SOX6: variants seen among roughly 807,000 people sequenced by gnomAD.
SOX6 encodes SRY-box transcription factor 6.
SOX6 carries 11 observed loss-of-function variants against 97.8 expected under a neutral mutation model. The ratio of observed to expected loss-of-function variants is 0.11; its 90% CI spans 0.07 to 0.19. The LOEUF is 0.19. Among genes scored for constraint, SOX6 ranks in the 10% least tolerant of loss-of-function variants. SOX6 has a pLI of 1.00. For missense variants in SOX6, 810 were observed against 1,039.5 expected (o/e 0.78, Z 3.04); for synonymous variants, 360 against 371.4 (o/e 0.97, Z 0.35).
At position 16,113,498 on chromosome 11, in the gene SOX6, G is replaced by A. The variant is rs183637482; in HGVS notation, c.778-1575C>T. Among the ~76,000 whole-genome samples the A allele has an allele frequency of 3.9e-5, 6 of 152,274 alleles. No homozygotes were observed. In the East Asian group the frequency reaches 5.8e-4, roughly 15 times the overall value. ...GCCTTTAACCCTGAAGAAAAGCACC[G>A]GGTTTGCTGTTGAACTCTAGCTTGT... On this transcript the variant is annotated intron_variant, in intron 6 of 15. Transcript: ENST00000683767.
chr11:16,187,557 G>C (rs1396899431), intron 4 of SOX6, among the ~76,000 whole-genome samples: 1 of 151,346 alleles, frequency 6.6e-6, no homozygotes, highest in Non-Finnish European at 1.5e-5. Flanking sequence ...TTTTTTTCCT[G>C]AGAAAGGATC....
chr11:16,222,717 A>G (rs1269283543), intron 4 of SOX6, among the ~76,000 whole-genome samples: 1 of 152,078 alleles, frequency 6.6e-6, no homozygotes, highest in Non-Finnish European at 1.5e-5. Flanking sequence ...TTTCAGTTGC[A>G]AGTACTAAAA....
chr11:16,449,238 T>G (rs1025618600), intron 1 of SOX6, among the ~76,000 whole-genome samples: 1 of 148,344 alleles, frequency 6.7e-6, no homozygotes, highest in Non-Finnish European at 1.5e-5. Context: ...GGTTTCTCCA[T>G]CCTTTGGCTA....
At chr11:16,653,416 A>T (rs1847681493) in intron 3 of SOX6, among the ~76,000 whole-genome samples, 2 of 152,230 alleles carry the variant, frequency 1.3e-5, no homozygotes, top group African/African-American at 2.4e-5. Flanking sequence ...TGTGGTAAAT[A>T]TACACCATGG....
At chr11:16,039,155 A>G (rs1696556680) in intron 12 of SOX6, among the ~76,000 whole-genome samples, 1 of 152,030 alleles carries the variant, frequency 6.6e-6, no homozygotes, top group East Asian at 1.9e-4. Context: ...TTATTTTCCT[A>G]TCCTTAATTT....
intron 2 of SOX6, among the ~76,000 whole-genome samples, chr11:16,732,814 G>T (rs986162691): frequency 6.6e-6 from 1 of 152,130 alleles, no homozygotes; most frequent in Non-Finnish European, 1.5e-5. Context: ...TACAGAATGG[G>T]AGAAAAATTT....
intron 1 of SOX6, among the ~76,000 whole-genome samples, chr11:16,371,241 C>T (rs1247082234): frequency 6.6e-6 from 1 of 151,946 alleles, no homozygotes; most frequent in African/African-American, 2.4e-5. Flanking sequence ...CTGCACTGGT[C>T]CCTCCCTCTG....
chr11:15,986,092 T>C, intron 15 of SOX6, 112 bp downstream of exon 15: 1 of 1,006,052 alleles, frequency 9.9e-7, no homozygotes, highest in Non-Finnish European at 1.6e-6. Context: ...CCCTTCAGTA[T>C]GCCACAACCT....
chr11:16,368,838 G>A (rs979732800), intron 1 of SOX6, among the ~76,000 whole-genome samples: 2 of 152,110 alleles, frequency 1.3e-5, no homozygotes, highest in South Asian at 2.1e-4. Flanking sequence ...ATCTAATAAC[G>A]GGTGAGTATG....
At chr11:16,574,014 G>A (rs370395594) in intron 4 of SOX6, among the ~76,000 whole-genome samples, 1 of 152,090 alleles carries the variant, frequency 6.6e-6, no homozygotes, top group South Asian at 2.1e-4. Context: ...GAGAAAATAT[G>A]TTAATATATT....
chr11:16,042,212 T>C (rs1377814171), intron 12 of SOX6, among the ~76,000 whole-genome samples: 2 of 152,158 alleles, frequency 1.3e-5, no homozygotes, highest in Non-Finnish European at 2.9e-5. Flanking sequence ...AACTCTAAAA[T>C]CCATGTTCTT....
At chr11:16,292,830 C>T (rs1854955444) in intron 3 of SOX6, among the ~76,000 whole-genome samples, 1 of 152,134 alleles carries the variant, frequency 6.6e-6, no homozygotes, top group Non-Finnish European at 1.5e-5. Context: ...AGAGGGAACC[C>T]GGGTTTTTAA....
intron 4 of SOX6, among the ~76,000 whole-genome samples, chr11:16,608,452 A>C (rs903703054): frequency 6.6e-6 from 1 of 152,142 alleles, no homozygotes; most frequent in Non-Finnish European, 1.5e-5. Flanking sequence ...GAACAATAAG[A>C]AGGATGAAGG....
chr11:16,419,686 A>G (rs1446702384), intron 1 of SOX6, among the ~76,000 whole-genome samples: 1 of 152,170 alleles, frequency 6.6e-6, no homozygotes, highest in Non-Finnish European at 1.5e-5. Flanking sequence ...TATAGATAAT[A>G]ATGATGAATA....
intron 6 of SOX6, among the ~76,000 whole-genome samples, chr11:16,121,916 T>G (rs1849503820): frequency 6.6e-6 from 1 of 152,050 alleles, no homozygotes; most frequent in Non-Finnish European, 1.5e-5. Flanking sequence ...ATGCATAATC[T>G]TGTCAATTAA....
intron 6 of SOX6, among the ~76,000 whole-genome samples, chr11:16,147,790 C>A (rs531323581): frequency 1.3e-5 from 2 of 152,182 alleles, no homozygotes; most frequent in Non-Finnish European, 2.9e-5. Flanking sequence ...CAGTTTACTA[C>A]TCTGATGTTC....
At chr11:16,037,250 T>C (rs1421292126) in intron 12 of SOX6, among the ~76,000 whole-genome samples, 1 of 152,178 alleles carries the variant, frequency 6.6e-6, no homozygotes, top group African/African-American at 2.4e-5. Context: ...GCCACCTAGA[T>C]GGGTCTGATT....
chr11:16,190,982 G>GT (rs1271424027), intron 4 of SOX6, among the ~76,000 whole-genome samples: 3 of 152,160 alleles, frequency 2.0e-5, no homozygotes, highest in African/African-American at 7.2e-5. Context: ...GTGAATACAA[G>GT]TTTTTTTATC....
intron 1 of SOX6, among the ~76,000 whole-genome samples, chr11:16,471,778 G>A (rs1395472377): frequency 1.3e-5 from 2 of 152,088 alleles, no homozygotes; most frequent in African/African-American, 4.8e-5. Flanking sequence ...TAACCAAAAG[G>A]TTCTGCAGTC....
Sources: gnomAD v4.1 joint callset for allele counts (sites outside exome capture counted in the v4.1 genomes callset) on GRCh38, gnomAD v4.1.1 for gene constraint, MANE v1.5 for transcripts, NCBI Gene and HGNC (gene_info 2026-07-23, HGNC 2026-07-21) for gene names.